Variants in PANK2 observed in about 807,000 individuals in gnomAD.
PANK2 encodes pantothenate kinase 2, mitochondrial.
A neutral mutation model predicts 43.1 loss-of-function variants in PANK2; 36 were observed. The observed-to-expected ratio is 0.84, with a 90% CI of 0.64 to 1.10. The LOEUF (loss-of-function observed/expected upper bound fraction) is 1.10, where lower values mean the gene tolerates loss of function less well. Among genes scored for constraint, PANK2 ranks in the 50% least tolerant of loss-of-function variants. The probability of loss-of-function intolerance (pLI) is 0.00; values close to 1 mark genes in which losing one functional copy is unlikely to be tolerated. For synonymous variants in PANK2, 281 were observed against 238.2 expected, an observed-to-expected ratio of 1.18 and a Z score of -1.66; for missense variants, 576 against 593.3, an observed-to-expected ratio of 0.97 and a Z score of 0.30.
upstream of PANK2, chr20:3,888,882 T>G (rs1600472876): frequency 2.0e-6 from 1 of 510,308 alleles, no homozygotes; most frequent in South Asian, 3.3e-5. Context: ...GCTGCGGAAC[T>G]AGGCCGAGGG....
In PANK2 at chr20:3,899,272, A is replaced by G. The variant is rs555972797; in HGVS notation, c.299-8654A>G. 4.5e-3 allele frequency among the ~76,000 whole-genome samples: 674 copies of G among 151,340 alleles called. 2 individuals carry two copies. The highest frequency in any genetic ancestry group is 7.5e-3 in the Non-Finnish European group (509 of 67,866). ...CTGCAACCTCCACCTCCTGGGTTCAAGTGATTCTGCTACCTCAGGCTCCCA... is the reference window on the plus strand; with the variant it reads ...CTGCAACCTCCACCTCCTGGGTTCAGGTGATTCTGCTACCTCAGGCTCCCA... On this transcript the variant is annotated intron_variant, in intron 1 of 6. Transcript: ENST00000610179.
At chr20:3,899,526 G>A (rs2090265770) in intron 1 of PANK2, among the ~76,000 whole-genome samples, 1 of 149,744 alleles carries the variant, frequency 6.7e-6, no homozygotes, top group Non-Finnish European at 1.5e-5. Context: ...CACCTTATTA[G>A]CCATGATATT....
chr20:3,888,978 AGG>A, upstream of PANK2: 3 of 756,098 alleles, frequency 4.0e-6, no homozygotes, highest in Admixed American at 5.9e-5. Context: ...GCTGGGCTGG[AGG>A]AGGGCTCGAG....
chr20:3,918,061 T>C (rs1245530095), intron 5 of PANK2, among the ~76,000 whole-genome samples: 1 of 152,244 alleles, frequency 6.6e-6, no homozygotes, highest in Non-Finnish European at 1.5e-5. Context: ...ATATGGGGCT[T>C]AGGAGTGAGA....
At chr20:3,915,303 CT>C (rs2090540917) in intron 4 of PANK2, among the ~76,000 whole-genome samples, 1 of 149,354 alleles carries the variant, frequency 6.7e-6, no homozygotes, top group African/African-American at 2.5e-5. Context: ...GTATTTTTTT[CT>C]TTTTTTCTTT....
rs67356712 is a variant in PANK2, at chr20:3,912,239, A to G, written c.906-219A>G. On this transcript the variant is annotated intron_variant, in intron 3 of 6. Transcript: ENST00000610179. ...CAGACAGCCAGACTGCACTGGGGAC[A>G]TGGGCCCTGTGTTTTGTACTTTGCA... is the stretch of plus-strand genomic sequence containing the variant. Among the ~76,000 whole-genome samples the G allele has an allele frequency of 0.12, 17,695 of 152,148 alleles. 1,375 individuals are homozygous for G. Among genetic ancestry groups the G allele is most frequent in the Non-Finnish European group, 0.17 (11,817 of 67,982 alleles).
Position 3,912,554 on chromosome 20 carries a change from C to T in PANK2, c.1002C>T (p.Thr334=). 6.2e-7 allele frequency: 1 copy of T among 1,613,974 alleles called. No homozygotes were observed. The highest frequency in any genetic ancestry group is 1.1e-5 in the South Asian group (1 of 91,078). ...AAATGGCATCTCGTGGAGATAGCACCAAAGTGGATAAACTAGTACGAGATA... is the reference window on the plus strand; with the variant it reads ...AAATGGCATCTCGTGGAGATAGCACTAAAGTGGATAAACTAGTACGAGATA... Residue 334 remains threonine, a synonymous_variant, in exon 4 of 7, where the codon ACC becomes ACT. Transcript: ENST00000610179.
intron 4 of PANK2, among the ~76,000 whole-genome samples, chr20:3,916,179 C>T (rs2090556820): frequency 1.3e-5 from 2 of 152,044 alleles, no homozygotes; most frequent in Admixed American, 6.6e-5. Flanking sequence ...TAGATATATC[C>T]GTAAGTGTTT....
At chr20:3,922,251 A>G (rs776494383) in intron 6 of PANK2, among the ~76,000 whole-genome samples, 66 of 152,160 alleles carry the variant, frequency 4.3e-4, no homozygotes, top group Non-Finnish European at 9.0e-4. Context: ...TGGATTCTGC[A>G]TCGTTTTAGG....
chr20:3,925,658 A>G lies in PANK2; in HGVS notation c.*2364A>G, dbSNP rs1169022037. ...TGCCTGTCCTGCCACCCAGGCTACT[A>G]ATGTTCTGGTTCATTCTCTGCTGAC... On this transcript the variant is annotated 3_prime_UTR_variant, in exon 7 of 7. Coordinates refer to ENST00000610179, the MANE Select transcript of PANK2 (RefSeq NM_001386393.1). The G allele has an allele frequency of 1.3e-5, 2 of 152,104 alleles. No homozygotes were observed. The highest frequency in any genetic ancestry group is 2.4e-5 in the African/African-American group (1 of 41,380). The allele number at this position is 152,104 out of a possible 1,614,324, so 9.4% of individuals were successfully genotyped here.
At chr20:3,919,088 G>T (rs1370529119) in intron 6 of PANK2, among the ~76,000 whole-genome samples, 1 of 152,056 alleles carries the variant, frequency 6.6e-6, no homozygotes, top group Non-Finnish European at 1.5e-5. Flanking sequence ...TGTACTTTCA[G>T]TAGAAATGGG....
chr20:3,922,233 G>C (rs1041562703), intron 6 of PANK2, among the ~76,000 whole-genome samples: 1 of 152,208 alleles, frequency 6.6e-6, no homozygotes, highest in Non-Finnish European at 1.5e-5. Context: ...ACAGGTTGGA[G>C]ACCCTGATGG....
intron 1 of PANK2, among the ~76,000 whole-genome samples, chr20:3,898,255 A>T (rs1455218188): frequency 2.0e-5 from 3 of 151,030 alleles, no homozygotes; most frequent in Non-Finnish European, 4.4e-5. Flanking sequence ...GCTAGAGTGC[A>T]GTGGCACGAT....
At chr20:3,908,337 A>T in intron 2 of PANK2, 59 bp downstream of exon 2, 5 of 1,389,286 alleles carry the variant, frequency 3.6e-6, no homozygotes, top group Non-Finnish European at 5.0e-6. Flanking sequence ...AAATAATGCC[A>T]GTAGCAAGTG....
intron 4 of PANK2, 24 bp downstream of exon 4, chr20:3,912,658 G>C: frequency 6.2e-7 from 1 of 1,612,354 alleles, no homozygotes; most frequent in Non-Finnish European, 8.5e-7. Flanking sequence ...TGTGTTCTAA[G>C]AAATACAGGC....
intron 1 of PANK2, among the ~76,000 whole-genome samples, chr20:3,906,753 T>C (rs1476835247): frequency 6.6e-6 from 1 of 152,182 alleles, no homozygotes; most frequent in Non-Finnish European, 1.5e-5. Flanking sequence ...CCTCATTAAA[T>C]TGGGACCTTC....
At chr20:3,913,070 C>G (rs2090494543) in intron 4 of PANK2, among the ~76,000 whole-genome samples, 1 of 150,870 alleles carries the variant, frequency 6.6e-6, no homozygotes, top group East Asian at 2.0e-4. Flanking sequence ...AGTATATTTA[C>G]AGGATTGTGC....
intron 1 of PANK2, among the ~76,000 whole-genome samples, chr20:3,900,211 A>G (rs1289003564): frequency 1.3e-5 from 2 of 151,918 alleles, no homozygotes; most frequent in African/African-American, 4.8e-5. Context: ...GAATGGTGCC[A>G]GCGATTCTAC....
At position 3,915,325 on chromosome 20, in the gene PANK2, A is replaced by T. The variant is rs989932802; in HGVS notation, c.1083-1602A>T. ...TTTCTTTTTTTCTTTTTTGAGATGG[A>T]GTCTTGCTCTGTCACCAGGCTGGAG... On this transcript the variant is annotated intron_variant, in intron 4 of 6. Coordinates refer to ENST00000610179, the MANE Select transcript of PANK2 (RefSeq NM_001386393.1). 4.4e-4 allele frequency among the ~76,000 whole-genome samples: 67 copies of T among 151,406 alleles called. 1 individual carries two copies. Among genetic ancestry groups the T allele is most frequent in the Non-Finnish European group, 7.4e-5 (5 of 67,892 alleles).
Sources: gnomAD v4.1 joint callset for allele counts (sites outside exome capture counted in the v4.1 genomes callset) on GRCh38, gnomAD v4.1.1 for gene constraint, MANE v1.5 for transcripts, NCBI Gene and HGNC (gene_info 2026-07-23, HGNC 2026-07-21) for gene names.